The following TMOD1 variants were observed in gnomAD, a reference collection of about 807,000 sequenced individuals.
TMOD1 encodes the protein tropomodulin-1.
TMOD1 carries 17 observed loss-of-function variants against 40.6 expected under a neutral mutation model. That is an observed-to-expected ratio of 0.42 (90% CI 0.29 to 0.63). The LOEUF is 0.63. Ranked by LOEUF, TMOD1 falls within the 20% of genes least tolerant of loss-of-function variation. TMOD1 has a pLI of 0.22. For synonymous variants in TMOD1, 181 were observed against 175.0 expected (o/e 1.03, Z -0.27); for missense variants, 391 against 447.6 (o/e 0.87, Z 1.14).
intron 3 of TMOD1, among the ~76,000 whole-genome samples, chr9:97,553,004 T>A (rs1830476469): frequency 1.3e-5 from 2 of 152,378 alleles, no homozygotes; most frequent in South Asian, 2.1e-4. Context: ...ATTTTTTTCC[T>A]ACTTACAGAT....
chr9:97,595,185 A>G (rs1213084887), intron 9 of TMOD1, among the ~76,000 whole-genome samples: 1 of 152,218 alleles, frequency 6.6e-6, no homozygotes, highest in Non-Finnish European at 1.5e-5. Flanking sequence ...GAAAAATTAA[A>G]TTAAGTGAAT....
intron 4 of TMOD1, among the ~76,000 whole-genome samples, chr9:97,559,348 C>T (rs980365048): frequency 6.6e-6 from 1 of 151,938 alleles, no homozygotes; most frequent in Admixed American, 6.6e-5. Flanking sequence ...TAGTGATGAA[C>T]AAGCAAGTCT....
At chr9:97,579,314 G>A (rs1825688971) in intron 8 of TMOD1, among the ~76,000 whole-genome samples, 1 of 152,096 alleles carries the variant, frequency 6.6e-6, no homozygotes, top group South Asian at 2.1e-4. Flanking sequence ...CACCTCGACC[G>A]AGAGAAACTG....
chr9:97,573,962 G>A (rs1358630444), intron 8 of TMOD1, among the ~76,000 whole-genome samples: 1 of 152,206 alleles, frequency 6.6e-6, no homozygotes, highest in Non-Finnish European at 1.5e-5. Flanking sequence ...GAATTTTGCA[G>A]ATATTAAGTC....
intron 2 of TMOD1, among the ~76,000 whole-genome samples, chr9:97,531,942 G>A (rs986628422): frequency 2.6e-5 from 4 of 152,230 alleles, no homozygotes; most frequent in South Asian, 2.1e-4. Flanking sequence ...GTCAGCGGCC[G>A]AGCCAAGGCG....
chr9:97,535,179 T>G (rs752946718), intron 2 of TMOD1, among the ~76,000 whole-genome samples: 7 of 152,134 alleles, frequency 4.6e-5, no homozygotes, highest in Non-Finnish European at 1.5e-5. Flanking sequence ...TGGGGAGTGA[T>G]GTGGTCAGGT....
intron 1 of TMOD1, among the ~76,000 whole-genome samples, 179 bp from the exon 2 acceptor site, chr9:97,523,960 CTT>C (rs1394526139): frequency 6.6e-6 from 1 of 152,222 alleles, no homozygotes; most frequent in African/African-American, 2.4e-5. Context: ...GCTCTCAGGA[CTT>C]TACCTTGCAC....
At chr9:97,539,159 C>G (rs1830237897) in intron 2 of TMOD1, among the ~76,000 whole-genome samples, 1 of 152,204 alleles carries the variant, frequency 6.6e-6, no homozygotes, top group African/African-American at 2.4e-5. Flanking sequence ...CATAGCCCTA[C>G]ATGTTAACAC....
At chr9:97,523,759 T>G (rs1587919483) in intron 1 of TMOD1, among the ~76,000 whole-genome samples, 1 of 152,166 alleles carries the variant, frequency 6.6e-6, no homozygotes, top group East Asian at 1.9e-4. Context: ...AACTCAGTTT[T>G]GGCAGAGTTT....
chr9:97,522,706 T>A (rs2131220479), intron 1 of TMOD1, among the ~76,000 whole-genome samples: 1 of 151,856 alleles, frequency 6.6e-6, no homozygotes, highest in South Asian at 2.1e-4. Flanking sequence ...GGACTATAGG[T>A]GCTGCACGAC....
At position 97,591,352 on chromosome 9, in the gene TMOD1, C is replaced by T. The variant is rs1015371544; in HGVS notation, c.932C>T (p.Thr311Ile). Residue 311 changes from threonine to isoleucine, a missense_variant, in exon 9 of 10, where the codon ACA becomes ATA. Thr to Ile is a moderately conservative substitution (Grantham distance 89). Coordinates refer to ENST00000259365, the MANE Select transcript of TMOD1 (RefSeq NM_003275.4). ...EIVSMLEKNATLLKFGYHFTQ... is the reference protein window; with the variant it reads ...EIVSMLEKNAILLKFGYHFTQ... The stretch of plus-strand genomic sequence containing the variant: ...GTGAGCATGTTGGAAAAAAACGCAA[C>T]ACTTCTCAAATTCGGCTACCACTTT... 1 of 1,614,058 alleles carries T rather than the reference C, an allele frequency of 6.2e-7. No individual in the cohort carries two copies. Among genetic ancestry groups the T allele is most frequent in the Admixed American group, 1.7e-5 (1 of 60,006 alleles).
chr9:97,524,040 C>T (rs1332111427), intron 1 of TMOD1, 101 bp from the exon 2 acceptor site: 2 of 809,784 alleles, frequency 2.5e-6, no homozygotes, highest in South Asian at 2.1e-5. Flanking sequence ...CCTGGCAATT[C>T]ATAAAATGTA....
chr9:97,506,125 C>T (rs1829586971), intron 1 of TMOD1, among the ~76,000 whole-genome samples: 1 of 152,150 alleles, frequency 6.6e-6, no homozygotes, highest in Non-Finnish European at 1.5e-5. Flanking sequence ...TTCTTTCGGC[C>T]TTCAGTGCTG....
chr9:97,563,412 C>G (rs1164300963), intron 5 of TMOD1, among the ~76,000 whole-genome samples: 5 of 152,150 alleles, frequency 3.3e-5, no homozygotes, highest in African/African-American at 1.2e-4. Flanking sequence ...GGGATGAGAC[C>G]AAACTTTCAT....
intron 8 of TMOD1, among the ~76,000 whole-genome samples, chr9:97,569,948 T>G (rs1282026041): frequency 2.0e-5 from 3 of 151,102 alleles, no homozygotes; most frequent in African/African-American, 7.3e-5. Flanking sequence ...GGGACTCAGT[T>G]TTTTTTTTTC....
rs760698189 is a variant in TMOD1 at position 97,524,288 on chromosome 9, C to T, written c.100C>T (p.Leu34=). 2 of 1,614,034 alleles carry T rather than the reference C, an allele frequency of 1.2e-6. No individual in the cohort carries two copies. Among genetic ancestry groups the T allele is most frequent in the South Asian group, 2.2e-5 (2 of 91,068 alleles). The change falls in exon 2 of 10, where the codon CTG becomes TTG. Residue 34 remains leucine (L), a synonymous_variant. Coordinates refer to ENST00000259365, the MANE Select transcript of TMOD1 (RefSeq NM_003275.4). The part of the protein sequence containing the change: ...EEELRTLENE[L]DELDPDNALL... The stretch of plus-strand genomic sequence containing the variant: ...AGAGCTGAGGACCCTGGAAAATGAG[C>T]TGGATGAGCTGGACCCTGATGTGAG...
chr9:97,506,191 AT>A (rs1829588041), intron 1 of TMOD1, among the ~76,000 whole-genome samples: 1 of 152,114 alleles, frequency 6.6e-6, no homozygotes. Flanking sequence ...AAAGTTCTTC[AT>A]TGATTTACCT....
In TMOD1 at chr9:97,530,976, T is replaced by G. The variant is rs1245363704; in HGVS notation, c.120+6668T>G. 3.5e-5 allele frequency among the ~76,000 whole-genome samples: 5 copies of G among 143,600 alleles called. No homozygotes were observed. The East Asian group carries it at 1.0e-3, about 30-fold the overall frequency. 94.2% of individuals were successfully genotyped at this position (143,600 alleles called of 152,430 possible). Reference sequence around the variant, plus strand: ...CTAATTTTTGTATTTTTAGTAGAGATGGGGTTTCACCATGTTGGCCAGGCT... The same window carrying G: ...CTAATTTTTGTATTTTTAGTAGAGAGGGGGTTTCACCATGTTGGCCAGGCT... On this transcript the variant is annotated intron_variant, in intron 2 of 9. Transcript: ENST00000259365.
rs773880958 is a variant in TMOD1 at position 97,591,273 on chromosome 9, A to T, written c.871-18A>T. On this transcript the variant is annotated intron_variant, in intron 8 of 9. Coordinates refer to ENST00000259365, the MANE Select transcript of TMOD1 (RefSeq NM_003275.4). The stretch of plus-strand genomic sequence containing the variant: ...GTGGTGATTTTATTTTTTATTTTTT[A>T]TTTTTTCTTGACTAAAGAGCCAGCC... The T allele has an allele frequency of 6.3e-7, 1 of 1,592,086 alleles. No individual in the cohort carries two copies. The highest frequency in any genetic ancestry group is 8.6e-7 in the Non-Finnish European group (1 of 1,168,622).
Sources: gnomAD v4.1 joint callset for allele counts (sites outside exome capture counted in the v4.1 genomes callset) on GRCh38, gnomAD v4.1.1 for gene constraint, MANE v1.5 for transcripts, NCBI Gene and HGNC (gene_info 2026-07-23, HGNC 2026-07-21) for gene names.